ESRRB: variants seen among roughly 807,000 people sequenced by gnomAD.
ESRRB encodes the protein steroid hormone receptor ERR2.
ESRRB carries 16 observed loss-of-function variants against 46.0 expected under a neutral mutation model. That is an observed-to-expected ratio of 0.35 (90% CI 0.24 to 0.53). The LOEUF (loss-of-function observed/expected upper bound fraction) is 0.53, where lower values mean the gene tolerates loss of function less well. Ranked by LOEUF, ESRRB falls within the 20% of genes least tolerant of loss-of-function variation. The pLI, the probability that ESRRB is intolerant of heterozygous loss-of-function variation, is 0.93. For missense variants in ESRRB, 488 were observed against 607.4 expected (o/e 0.80, Z 2.07); for synonymous variants, 246 against 259.6 (o/e 0.95, Z 0.50).
At chr14:76,371,369 A>G (rs1884621118), upstream of ESRRB, 1 of 152,290 alleles carries the variant, frequency 6.6e-6, no homozygotes, top group Non-Finnish European at 1.5e-5. Flanking sequence ...GTGGTCAGGG[A>G]CATTTCCCCT....
chr14:76,444,679 G>A (rs185972505), intron 2 of ESRRB, among the ~76,000 whole-genome samples: 3 of 152,264 alleles, frequency 2.0e-5, no homozygotes, highest in Non-Finnish European at 2.9e-5. Flanking sequence ...GAGCCACTGC[G>A]CCTGGCCCAG....
chr14:76,368,316 C>T (rs752538636), upstream of ESRRB, among the ~76,000 whole-genome samples: 22 of 152,084 alleles, frequency 1.4e-4, no homozygotes, highest in Admixed American at 2.6e-4. Flanking sequence ...GAGTGTAAAA[C>T]GCCCTCTGTG....
At chr14:76,315,803 T>C (rs932874052) in intron 1 of ESRRB, among the ~76,000 whole-genome samples, 1 of 152,326 alleles carries the variant, frequency 6.6e-6, no homozygotes, top group Middle Eastern at 3.4e-3. Flanking sequence ...GGAAGCCCTC[T>C]AACCTGAGAA....
intron 2 of ESRRB, among the ~76,000 whole-genome samples, chr14:76,443,125 T>A (rs1887990180): frequency 6.6e-6 from 1 of 152,124 alleles, no homozygotes; most frequent in African/African-American, 2.4e-5. Flanking sequence ...CATAAAGTGA[T>A]TTATTTCTTA....
chr14:76,333,843 G>A (rs943932736), intron 1 of ESRRB, among the ~76,000 whole-genome samples: 19 of 151,858 alleles, frequency 1.3e-4, no homozygotes, highest in African/African-American at 2.9e-4. Context: ...TGCATTTCAC[G>A]TGCTCAGTGT....
chr14:76,429,923 G>C (rs753976403), intron 1 of ESRRB, among the ~76,000 whole-genome samples: 1 of 151,864 alleles, frequency 6.6e-6, no homozygotes, highest in Non-Finnish European at 1.5e-5. Context: ...TCGCTGGTTC[G>C]TAACACTTAA....
At chr14:76,344,014 A>T (rs1387604825) in intron 1 of ESRRB, among the ~76,000 whole-genome samples, 1 of 152,210 alleles carries the variant, frequency 6.6e-6, no homozygotes, top group Non-Finnish European at 1.5e-5. Flanking sequence ...TGGGAGATAG[A>T]CTGAATATGA....
At chr14:76,311,166 G>A (rs1883728926) in intron 1 of ESRRB, among the ~76,000 whole-genome samples, 1 of 152,120 alleles carries the variant, frequency 6.6e-6, no homozygotes, top group Admixed American at 6.5e-5. Context: ...AGGTGGGACG[G>A]TGACACAAAC....
At chr14:76,341,679 A>G (rs946772598) in intron 1 of ESRRB, among the ~76,000 whole-genome samples, 1 of 152,200 alleles carries the variant, frequency 6.6e-6, no homozygotes, top group Non-Finnish European at 1.5e-5. Flanking sequence ...GGATAGCTCA[A>G]TCCCTGCTCA....
At chr14:76,358,181 G>T (rs186066789) in intron 1 of ESRRB, among the ~76,000 whole-genome samples, 2 of 151,462 alleles carry the variant, frequency 1.3e-5, no homozygotes, top group East Asian at 3.9e-4. Flanking sequence ...GCGTGGTGGC[G>T]GGCGCCTGTA....
At chr14:76,476,288 A>G (rs939797692) in intron 3 of ESRRB, among the ~76,000 whole-genome samples, 2 of 152,190 alleles carry the variant, frequency 1.3e-5, no homozygotes, top group African/African-American at 4.8e-5. Flanking sequence ...AAAACAAAGG[A>G]TCTGTATTTA....
At chr14:76,489,741 T>A (rs1234897048) in intron 5 of ESRRB, among the ~76,000 whole-genome samples, 1 of 152,090 alleles carries the variant, frequency 6.6e-6, no homozygotes, top group African/African-American at 2.4e-5. Flanking sequence ...TGCCATGCCC[T>A]GTGTGGAAGC....
chr14:76,441,383 T>C (rs1178158453), intron 2 of ESRRB, among the ~76,000 whole-genome samples: 2 of 152,158 alleles, frequency 1.3e-5, no homozygotes, highest in African/African-American at 2.4e-5. Flanking sequence ...GGAGAATAAA[T>C]TGGGGAGAAT....
At chr14:76,344,910 T>G (rs560656539) in intron 1 of ESRRB, among the ~76,000 whole-genome samples, 8 of 152,282 alleles carry the variant, frequency 5.3e-5, no homozygotes, top group Non-Finnish European at 1.2e-4. Context: ...TGATGTTAAT[T>G]CATTCCTTTT....
chr14:76,397,682 A>G (rs1885751910), intron 1 of ESRRB, among the ~76,000 whole-genome samples: 1 of 152,130 alleles, frequency 6.6e-6, no homozygotes, highest in South Asian at 2.1e-4. Flanking sequence ...AGGCAGGAGG[A>G]TTGTTTGAGA....
At chr14:76,486,972 G>C (rs1890046222) in intron 5 of ESRRB, among the ~76,000 whole-genome samples, 1 of 152,184 alleles carries the variant, frequency 6.6e-6, no homozygotes. Flanking sequence ...TTAAATAAAA[G>C]AATCTGTGGT....
rs138971618 is a variant in ESRRB, at chr14:76,436,586, A to C, written c.51-2755A>C. Among the ~76,000 whole-genome samples the C allele has an allele frequency of 9.8e-3, 1,494 of 152,292 alleles. 21 individuals carry two copies. Among genetic ancestry groups the C allele is most frequent in the Non-Finnish European group, 0.014 (984 of 68,018 alleles). On this transcript the variant is annotated intron_variant, in intron 1 of 6. Transcript: ENST00000644823. ...GGGGATTAAAAGTTAGGATGTGGTC[A>C]GCTCTATTCTGCCTGCCTCGTGGAA...
intron 2 of ESRRB, 74 bp downstream of exon 2, chr14:76,439,824 C>A: frequency 6.6e-7 from 1 of 1,517,954 alleles, no homozygotes; most frequent in Non-Finnish European, 9.0e-7. Flanking sequence ...TGGCAGAAGC[C>A]CTAGGAATTC....
At chr14:76,467,395 G>A (rs1595147918) in intron 3 of ESRRB, among the ~76,000 whole-genome samples, 2 of 151,556 alleles carry the variant, frequency 1.3e-5, no homozygotes, top group African/African-American at 4.8e-5. Context: ...CAGCTACTCT[G>A]GAAACTGAGG....
Sources: gnomAD v4.1 joint callset for allele counts (sites outside exome capture counted in the v4.1 genomes callset) on GRCh38, gnomAD v4.1.1 for gene constraint, MANE v1.5 for transcripts, NCBI Gene and HGNC (gene_info 2026-07-23, HGNC 2026-07-21) for gene names.